ANXA10: variants seen among roughly 807,000 people sequenced by gnomAD.
The protein encoded by ANXA10 is annexin A10.
Under a neutral mutation model 53.5 loss-of-function variants are expected in ANXA10, and 49 were observed. The observed-to-expected ratio is 0.92, with a 90% confidence interval of 0.73 to 1.16. ANXA10 has a LOEUF of 1.16. ANXA10 is among the 50% of genes most tolerant of loss of function. ANXA10 has a pLI of 0.00. For missense variants in ANXA10, 393 were observed against 394.4 expected (o/e 1.00, Z 0.03); for synonymous variants, 131 against 128.9 (o/e 1.02, Z -0.11).
At chr4:168,157,062 AT>A (rs1170817087) in intron 3 of ANXA10, among the ~76,000 whole-genome samples, 8 of 151,452 alleles carry the variant, frequency 5.3e-5, no homozygotes, top group Non-Finnish European at 1.0e-4. Flanking sequence ...TACCTGATAA[AT>A]AACTTGAAAC....
In ANXA10 at chr4:168,139,489, G is replaced by A. The variant is rs1320631410; in HGVS notation, c.104G>A (p.Cys35Tyr). 6.2e-7 allele frequency: 1 copy of A among 1,611,514 alleles called. No individual in the cohort carries two copies. The highest frequency in any genetic ancestry group is 1.3e-5 in the African/African-American group (1 of 74,866). Residue 35 changes from cysteine (C) to tyrosine (Y), a missense_variant, in exon 3 of 12, where the codon TGT (cysteine) becomes TAT (tyrosine). Transcript: ENST00000359299. ...TTCAAATATTATTCTTTTCCAGACT[G>A]TGACAAAGACATGCTGATCAACATT... ...MLGGALQGFD[C>Y]DKDMLINILT...
At chr4:168,158,826 G>GTT (rs1159937601) in intron 3 of ANXA10, among the ~76,000 whole-genome samples, 1 of 152,162 alleles carries the variant, frequency 6.6e-6, no homozygotes, top group Non-Finnish European at 1.5e-5. Flanking sequence ...CAAATGTCAT[G>GTT]TTGAAATGTG....
intron 1 of ANXA10, among the ~76,000 whole-genome samples, chr4:168,102,128 T>C (rs1339083992): frequency 4.6e-5 from 7 of 152,136 alleles, no homozygotes; most frequent in Non-Finnish European, 1.0e-4. Flanking sequence ...CAAAACACTA[T>C]TTTCTAAAGT....
intron 10 of ANXA10, among the ~76,000 whole-genome samples, chr4:168,182,983 T>TG (rs35178210): frequency 0.35 from 47,225 of 134,418 alleles, 9,125 homozygotes; most frequent in African/African-American, 0.55. Context: ...CACTCCGGCC[T>TG]GGCGACAGAG....
chr4:168,168,699 G>A (rs1418698249), intron 6 of ANXA10, among the ~76,000 whole-genome samples: 3 of 152,284 alleles, frequency 2.0e-5, no homozygotes, highest in Non-Finnish European at 1.5e-5. Flanking sequence ...GATTACAGGC[G>A]TGAGCCACCG....
intron 1 of ANXA10, among the ~76,000 whole-genome samples, chr4:168,126,639 T>G (rs1279936919): frequency 6.6e-6 from 1 of 152,156 alleles, no homozygotes; most frequent in Non-Finnish European, 1.5e-5. Flanking sequence ...CACACCTTCT[T>G]CTCCAAGGTA....
intron 6 of ANXA10, among the ~76,000 whole-genome samples, chr4:168,165,932 C>T (rs1731870890): frequency 6.6e-6 from 1 of 152,218 alleles, no homozygotes. Context: ...CTGCCTCAGC[C>T]TCCCAAGGTG....
intron 1 of ANXA10, chr4:168,127,817 CTTTTTTTTTTTTTT>C (rs766782048): frequency 1.5e-4 from 22 of 149,014 alleles, no homozygotes; most frequent in African/African-American, 5.4e-4. Flanking sequence ...ATGTTGAAAC[CTTTTTTTTTTTTTT>C]TTTTTTTTTT....
chr4:168,136,834 A>G (rs936224299), intron 2 of ANXA10, among the ~76,000 whole-genome samples: 1 of 152,132 alleles, frequency 6.6e-6, no homozygotes, highest in African/African-American at 2.4e-5. Context: ...TTTCCCCCAC[A>G]CTGCCTTAGT....
intron 6 of ANXA10, among the ~76,000 whole-genome samples, chr4:168,175,474 G>C (rs545646470): frequency 6.6e-6 from 1 of 152,306 alleles, no homozygotes; most frequent in East Asian, 1.9e-4. Flanking sequence ...AAATGCCACT[G>C]ATATTTCATA....
At chr4:168,107,045 T>A (rs1027837678) in intron 1 of ANXA10, among the ~76,000 whole-genome samples, 2 of 152,088 alleles carry the variant, frequency 1.3e-5, no homozygotes, top group Non-Finnish European at 2.9e-5. Flanking sequence ...AGGAATACTA[T>A]CCCCCACATT....
rs140495157 is a variant in ANXA10 at position 168,104,388 on chromosome 4, A to G, written c.18+11670A>G. On this transcript the variant is annotated intron_variant, in intron 1 of 11. Coordinates refer to ENST00000359299, the MANE Select transcript of ANXA10 (RefSeq NM_007193.5). ...CTTGTAATGTTGATTTGGTTTTGGT[A>G]TTAGTATAATCTAGATTCATAAAAT... Among the ~76,000 whole-genome samples the G allele has an allele frequency of 8.2e-3, 1,246 of 152,002 alleles. 9 individuals carry two copies. The highest frequency in any genetic ancestry group is 0.031 in the South Asian group (148 of 4,826).
chr4:168,107,271 G>A (rs1174627020), intron 1 of ANXA10, among the ~76,000 whole-genome samples: 1 of 152,086 alleles, frequency 6.6e-6, no homozygotes, highest in Admixed American at 6.6e-5. Context: ...ACAGAGTAAA[G>A]GAAACAAAGA....
chr4:168,123,081 C>G (rs1054927540), intron 1 of ANXA10, among the ~76,000 whole-genome samples: 1 of 152,094 alleles, frequency 6.6e-6, no homozygotes, highest in Non-Finnish European at 1.5e-5. Flanking sequence ...CTAGAAGAAG[C>G]AGGAAACCAC....
intron 1 of ANXA10, among the ~76,000 whole-genome samples, chr4:168,101,485 CTTTG>C (rs752557280): frequency 1.6e-4 from 23 of 145,126 alleles, no homozygotes; most frequent in Admixed American, 8.5e-4. Flanking sequence ...TTTCTCTTTT[CTTTG>C]TGTTTTTTTT....
intron 3 of ANXA10, among the ~76,000 whole-genome samples, chr4:168,143,199 C>T (rs183312549): frequency 2.0e-4 from 31 of 152,268 alleles, no homozygotes; most frequent in African/African-American, 6.5e-4. Context: ...CATCTACCAC[C>T]GCTCACATTT....
chr4:168,115,430 C>T (rs997716638), intron 1 of ANXA10, among the ~76,000 whole-genome samples: 2 of 151,678 alleles, frequency 1.3e-5, no homozygotes, highest in African/African-American at 4.8e-5. Context: ...TTCAGCAACC[C>T]AGACAATGGG....
intron 10 of ANXA10, among the ~76,000 whole-genome samples, chr4:168,182,213 A>T (rs1365556022): frequency 6.6e-6 from 1 of 152,038 alleles, no homozygotes; most frequent in Non-Finnish European, 1.5e-5. Context: ...AAGTATTTAA[A>T]GTGATAACTA....
intron 1 of ANXA10, among the ~76,000 whole-genome samples, chr4:168,117,935 A>C (rs199592948): frequency 0.022 from 3,267 of 146,428 alleles, 110 homozygotes; most frequent in African/African-American, 0.073. Flanking sequence ...TCACTCACTC[A>C]CTCCCTCCCT....
Sources: allele counts gnomAD v4.1 joint callset (sites outside exome capture counted in the v4.1 genomes callset), GRCh38; gene constraint gnomAD v4.1.1; transcripts MANE v1.5; gene names NCBI Gene and HGNC (gene_info 2026-07-23, HGNC 2026-07-21).